Variants in TAGLN observed in about 807,000 individuals in gnomAD.
TAGLN encodes the protein 22 kDa actin-binding protein.
Under a neutral mutation model 21.9 loss-of-function variants are expected in TAGLN, and 16 were observed. That is an observed-to-expected ratio of 0.73 (90% CI 0.49 to 1.11). The LOEUF is 1.11. TAGLN is among the 50% of genes least tolerant of loss of function. TAGLN has a pLI of 0.00. For missense variants in TAGLN, 248 were observed against 263.2 expected (o/e 0.94, Z 0.40); for synonymous variants, 96 against 94.9 (o/e 1.01, Z -0.06).
Position 117,204,387 on chromosome 11 carries a change from C to G in TAGLN, c.*28C>G. The G allele has an allele frequency of 1.2e-6, 2 of 1,614,082 alleles. No individual in the cohort carries two copies. The highest frequency in any genetic ancestry group is 1.7e-6 in the Non-Finnish European group (2 of 1,179,952). On this transcript the variant is annotated 3_prime_UTR_variant, in exon 5 of 5. Coordinates refer to ENST00000392951, the MANE Select transcript of TAGLN (RefSeq NM_003186.5). ...CGGAGAGGGCTAGCCCTGAGCCCGGCCCTCCCCCAGCTCCTTGGCTGCAGC... is the reference window on the plus strand; with the variant it reads ...CGGAGAGGGCTAGCCCTGAGCCCGGGCCTCCCCCAGCTCCTTGGCTGCAGC...
Position 117,204,274 on chromosome 11 carries a change from T to C in TAGLN, c.521T>C (p.Val174Ala). The change falls in exon 5 of 5, where the codon GTC becomes GCC. Residue 174 changes from valine to alanine, a missense_variant. By Grantham distance (64) the Val-to-Ala change is moderately conservative. Transcript: ENST00000392951. ...AGCCAGCTGCAGGAGGGAAAGCATG[T>C]CATTGGCCTTCAGATGGGCAGCAAC... Reference protein sequence around the residue: ...TESQLQEGKHVIGLQMGSNRG... With the variant: ...TESQLQEGKHAIGLQMGSNRG... The C allele has an allele frequency of 1.2e-6, 2 of 1,614,232 alleles. No individual in the cohort carries two copies. The highest frequency in any genetic ancestry group is 1.6e-4 in the Middle Eastern group (1 of 6,062).
In TAGLN at chr11:117,206,147, T is replaced by C. The variant is rs1409739668; in HGVS notation, c.*1788T>C. 13 of 1,608,974 alleles carry C rather than the reference T, an allele frequency of 8.1e-6. No homozygotes were observed. In the East Asian group the frequency reaches 1.6e-4, roughly 19 times the overall value. The stretch of plus-strand genomic sequence containing the variant: ...AGGTGGTGGGAGGGCCCCTGCTCTC[T>C]GTTTCCACTTCGTCTGGATCCTTGC... On this transcript the variant is annotated 3_prime_UTR_variant, in exon 5 of 5. Transcript: ENST00000392951.
At position 117,205,701 on chromosome 11, in the gene TAGLN, A is replaced by G. The variant is rs930597440; in HGVS notation, c.*1342A>G. The stretch of plus-strand genomic sequence containing the variant: ...TCCCCCATGCTTGGGGGACCTAGGC[A>G]GCTGGCTTGGCCCAAGAGAGATGAG... On this transcript the variant is annotated 3_prime_UTR_variant, in exon 5 of 5. Coordinates refer to ENST00000392951, the MANE Select transcript of TAGLN (RefSeq NM_003186.5). 1.3e-5 allele frequency: 4 copies of G among 315,040 alleles called. No homozygotes were observed. The highest frequency in any genetic ancestry group is 2.3e-5 in the Non-Finnish European group (4 of 172,930). 19.5% of individuals were successfully genotyped at this position (315,040 alleles called of 1,614,324 possible). A position where few individuals can be genotyped will look rare whatever the true frequency, so the allele number is the denominator to read the frequency against.
chr11:117,205,135 G>A lies in TAGLN; in HGVS notation c.*776G>A, dbSNP rs1450905887. On this transcript the variant is annotated 3_prime_UTR_variant, in exon 5 of 5. Coordinates refer to ENST00000392951, the MANE Select transcript of TAGLN (RefSeq NM_003186.5). Reference sequence around the variant, plus strand: ...AAAAAATTCAAGAAAATGTTGCTGTGAAAAGAGAAAAACAAATCTTAAGCA... The same window carrying A: ...AAAAAATTCAAGAAAATGTTGCTGTAAAAAGAGAAAAACAAATCTTAAGCA... The A allele has an allele frequency of 8.6e-6, 2 of 231,556 alleles. No individual in the cohort carries two copies. The highest frequency in any genetic ancestry group is 1.7e-5 in the Non-Finnish European group (2 of 116,826). The allele number at this position is 231,556 out of a possible 1,614,324, so 14.3% of individuals were successfully genotyped here.
At chr11:117,200,306 G>T (rs2031036858) in intron 1 of TAGLN, 1 of 152,272 alleles carries the variant, frequency 6.6e-6, no homozygotes, top group Non-Finnish European at 1.5e-5. Flanking sequence ...GCCCTGCAGG[G>T]GCCCCTGGCT....
intron 1 of TAGLN, 104 bp from the exon 2 acceptor site, chr11:117,202,898 T>C: frequency 9.4e-7 from 1 of 1,061,364 alleles, no homozygotes; most frequent in Non-Finnish European, 1.3e-6. Flanking sequence ...GTGTCTAGGA[T>C]GGCCGGGTAT....
At chr11:117,202,831 C>T (rs527810902) in intron 1 of TAGLN, 171 bp from the exon 2 acceptor site, 2 of 501,352 alleles carry the variant, frequency 4.0e-6, no homozygotes, top group East Asian at 6.3e-5. Flanking sequence ...TGTTCAAGTT[C>T]AGAGAGGTGT....
Position 117,205,873 on chromosome 11 carries a change from C to T in TAGLN, c.*1514C>T, listed in dbSNP as rs2031340586. On this transcript the variant is annotated 3_prime_UTR_variant, in exon 5 of 5. Coordinates refer to ENST00000392951, the MANE Select transcript of TAGLN (RefSeq NM_003186.5). ...ACCATTTGTATCTTAAGAAGGCCCT[C>T]ACCCTCTTTGAGTGGAGTCAGAGGA... 6 of 630,758 alleles carry T rather than the reference C, an allele frequency of 9.5e-6. No homozygotes were observed. Among genetic ancestry groups the T allele is most frequent in the East Asian group, 3.0e-5 (1 of 33,746 alleles). 39.1% of individuals were successfully genotyped at this position (630,758 alleles called of 1,614,324 possible). A position where few individuals can be genotyped will look rare whatever the true frequency, so the allele number is the denominator to read the frequency against.
chr11:117,204,384 C>A lies in TAGLN; in HGVS notation c.*25C>A, dbSNP rs767232174. On this transcript the variant is annotated 3_prime_UTR_variant, in exon 5 of 5. Coordinates refer to ENST00000392951, the MANE Select transcript of TAGLN (RefSeq NM_003186.5). The stretch of plus-strand genomic sequence containing the variant: ...GAGCGGAGAGGGCTAGCCCTGAGCC[C>A]GGCCCTCCCCCAGCTCCTTGGCTGC... 6.2e-7 allele frequency: 1 copy of A among 1,614,124 alleles called. No homozygotes were observed. The highest frequency in any genetic ancestry group is 1.3e-5 in the African/African-American group (1 of 75,058).
Position 117,204,202 on chromosome 11 carries a change from C to T in TAGLN, c.462-13C>T, listed in dbSNP as rs1357170980. ...GTTCTACCAAGTCTTTATCCTGGTT[C>T]CTCCTCTTCTAGGAAAGCGCAGGAG... On this transcript the variant is annotated splice_polypyrimidine_tract_variant and intron_variant, in intron 4 of 4. Coordinates refer to ENST00000392951, the MANE Select transcript of TAGLN (RefSeq NM_003186.5). 6.2e-7 allele frequency: 1 copy of T among 1,613,742 alleles called. No homozygotes were observed. Among genetic ancestry groups the T allele is most frequent in the African/African-American group, 1.3e-5 (1 of 75,054 alleles).
intron 1 of TAGLN, chr11:117,201,590 T>A (rs1276227918): frequency 6.6e-6 from 1 of 152,130 alleles, no homozygotes; most frequent in East Asian, 1.9e-4. Context: ...CCCTCTGAGG[T>A]TGGTAACATA....
At position 117,205,507 on chromosome 11, in the gene TAGLN, G is replaced by C. The variant is rs1316342970; in HGVS notation, c.*1148G>C. The C allele has an allele frequency of 4.3e-6, 1 of 234,312 alleles. No individual in the cohort carries two copies. Among genetic ancestry groups the C allele is most frequent in the Non-Finnish European group, 8.4e-6 (1 of 118,652 alleles). 14.5% of individuals were successfully genotyped at this position (234,312 alleles called of 1,614,324 possible). A position where few individuals can be genotyped will look rare whatever the true frequency, so the allele number is the denominator to read the frequency against. On this transcript the variant is annotated 3_prime_UTR_variant, in exon 5 of 5. Coordinates refer to ENST00000392951, the MANE Select transcript of TAGLN (RefSeq NM_003186.5). ...TCATTCATGGTTGGTTTCTGATCAG[G>C]CATCTTGGGAATGGATAATGGAGGC... is the stretch of plus-strand genomic sequence containing the variant.
Position 117,206,042 on chromosome 11 carries a change from A to G in TAGLN, c.*1683A>G, listed in dbSNP as rs375618194. On this transcript the variant is annotated 3_prime_UTR_variant, in exon 5 of 5. Coordinates refer to ENST00000392951, the MANE Select transcript of TAGLN (RefSeq NM_003186.5). ...TCCCGTGCGGTACGTCTAGGTGCTG[A>G]TGAGGGCAGTCCAGGGCGCTCTTGT... is the stretch of plus-strand genomic sequence containing the variant. 2 of 1,331,216 alleles carry G rather than the reference A, an allele frequency of 1.5e-6. No individual in the cohort carries two copies. Among genetic ancestry groups the G allele is most frequent in the African/African-American group, 1.5e-5 (1 of 66,236 alleles). The allele number at this position is 1,331,216 out of a possible 1,614,324, so 82.5% of individuals were successfully genotyped here.
In TAGLN at chr11:117,203,901, G is replaced by A. The variant is rs771446473; in HGVS notation, c.461+17G>A. 4 of 1,606,466 alleles carry A rather than the reference G, an allele frequency of 2.5e-6. No homozygotes were observed. In the South Asian group the frequency reaches 4.4e-5, roughly 18 times the overall value. On this transcript the variant is annotated intron_variant, in intron 4 of 4. Transcript: ENST00000392951. This position sits in a 1 kb window ranked among gnomAD's most constrained non-coding sequence, Gnocchi z 4.4. Reference sequence around the variant, plus strand: ...GTTTATGAAGTATGTGGCCCCCAGGGAGCTTGGGTCTCCGCATGGGGTGGG... The same window carrying A: ...GTTTATGAAGTATGTGGCCCCCAGGAAGCTTGGGTCTCCGCATGGGGTGGG...
Position 117,203,828 on chromosome 11 carries a change from C to G in TAGLN, c.405C>G (p.Ser135Arg). The G allele has an allele frequency of 6.2e-7, 1 of 1,614,052 alleles. No homozygotes were observed. Among genetic ancestry groups the G allele is most frequent in the Non-Finnish European group, 8.5e-7 (1 of 1,179,956 alleles). Residue 135 changes from serine (S) to arginine (R), a missense_variant, in exon 4 of 5, where the codon AGC becomes AGG. Transcript: ENST00000392951. The surrounding 1 kb of genome is among the most constrained non-coding windows in gnomAD (Gnocchi z 4.4). ...AVQRTLMALG[S>R]LAVTKNDGHY... ...AGAGGACCCTGATGGCTTTGGGCAG[C>G]TTGGCAGTGACCAAGAATGATGGGC...
In TAGLN at chr11:117,205,649, C is replaced by T. The variant is rs556964286; in HGVS notation, c.*1290C>T. ...GATGCGCTCCTGGCTATGGCAGGCA[C>T]CTTCTCAACTTATATGTGGGAAGGG... is the stretch of plus-strand genomic sequence containing the variant. On this transcript the variant is annotated 3_prime_UTR_variant, in exon 5 of 5. Coordinates refer to ENST00000392951, the MANE Select transcript of TAGLN (RefSeq NM_003186.5). 2 of 264,948 alleles carry T rather than the reference C, an allele frequency of 7.5e-6. No homozygotes were observed. The highest frequency in any genetic ancestry group is 5.3e-5 in the Admixed American group (1 of 18,872). The allele number at this position is 264,948 out of a possible 1,614,324, so 16.4% of individuals were successfully genotyped here.
rs1591781222 is a variant in TAGLN, at chr11:117,204,266, A to G, written c.513A>G (p.Gly171=). ...REFTESQLQE[G]KHVIGLQMGS... Reference sequence around the variant, plus strand: ...TCACAGAGAGCCAGCTGCAGGAGGGAAAGCATGTCATTGGCCTTCAGATGG... The same window carrying G: ...TCACAGAGAGCCAGCTGCAGGAGGGGAAGCATGTCATTGGCCTTCAGATGG... Residue 171 remains glycine (G), a synonymous_variant, in exon 5 of 5, where the codon GGA becomes GGG. Transcript: ENST00000392951. 6.2e-7 allele frequency: 1 copy of G among 1,614,256 alleles called. No homozygotes were observed. Among genetic ancestry groups the G allele is most frequent in the Non-Finnish European group, 8.5e-7 (1 of 1,180,044 alleles).
Position 117,203,158 on chromosome 11 carries a change from C to T in TAGLN, c.145C>T (p.Arg49Cys), listed in dbSNP as rs11547376. 1.8e-5 allele frequency: 28 copies of T among 1,594,268 alleles called. No homozygotes were observed. The highest frequency in any genetic ancestry group is 1.0e-4 in the Admixed American group (6 of 58,026). The change falls in exon 2 of 5, where the codon CGC becomes TGC. Residue 49 changes from arginine to cysteine, a missense_variant. Physicochemically the swap from Arg to Cys is radical, Grantham distance 180. Coordinates refer to ENST00000392951, the MANE Select transcript of TAGLN (RefSeq NM_003186.5). The surrounding 1 kb of genome is among the most constrained non-coding windows in gnomAD (Gnocchi z 4.4). Reference protein sequence around the residue: ...GPDVGRPDRGRLGFQVWLKNG... With the variant: ...GPDVGRPDRGCLGFQVWLKNG... ...TGATGTGGGCCGCCCAGACCGTGGG[C>T]GCTTGGGCTTCCAGGTCTGGCTGAA... is the stretch of plus-strand genomic sequence containing the variant.
chr11:117,199,881 G>A (rs763372518), intron 1 of TAGLN: 4 of 152,264 alleles, frequency 2.6e-5, no homozygotes, highest in South Asian at 2.1e-4. Flanking sequence ...CCACTCTGGC[G>A]GGTCCCCAGG....
Sources: gnomAD v4.1 joint callset for allele counts on GRCh38, gnomAD v4.1.1 for gene constraint, Gnocchi (gnomAD v3.1) non-coding constraint, MANE v1.5 for transcripts, NCBI Gene and HGNC (gene_info 2026-07-23, HGNC 2026-07-21) for gene names.